COL1A1: variants seen among roughly 807,000 people sequenced by gnomAD.
COL1A1 encodes the protein collagen alpha-1(I) chain.
A neutral mutation model predicts 195.7 loss-of-function variants in COL1A1; 21 were observed. That is an observed-to-expected ratio of 0.11 (90% CI 0.08 to 0.15). COL1A1 has a LOEUF of 0.15. COL1A1 is among the 10% of genes least tolerant of loss of function. COL1A1 has a pLI of 1.00. For missense variants in COL1A1, 1,365 were observed against 2,051.0 expected, an observed-to-expected ratio of 0.67 and a Z score of 6.46; for synonymous variants, 749 against 747.3, an observed-to-expected ratio of 1.00 and a Z score of -0.04.
intron 9 of COL1A1, 117 bp from the exon 10 acceptor site, chr17:50,197,350 A>C: frequency 2.0e-6 from 2 of 1,012,404 alleles, no homozygotes; most frequent in Non-Finnish European, 3.1e-6. Flanking sequence ...TTGGGGGCCC[A>C]GAATCTTATC....
rs780248845 is a variant in COL1A1 at position 50,185,478 on chromosome 17, G to A, written c.*24C>T. On this transcript the variant is annotated 3_prime_UTR_variant, in exon 51 of 51. Coordinates refer to ENST00000225964, the MANE Select transcript of COL1A1 (RefSeq NM_000088.4). ...GGGGGAAAGTTGGTTGGGTGGGAGG[G>A]AGCCAGGTTGGGATGGAGGGAGTTT... 1 of 1,613,542 alleles carries A rather than the reference G, an allele frequency of 6.2e-7. No individual in the cohort carries two copies. Among genetic ancestry groups the A allele is most frequent in the African/African-American group, 1.3e-5 (1 of 74,908 alleles).
Position 50,190,392 on chromosome 17 carries a change from G to T in COL1A1, c.2398-12C>A. ...TCACCACGGTCTCCCTAGAAGAAAA[G>T]GAGTCAGATTGGAGAGATGCGCTGA... On this transcript the variant is annotated splice_polypyrimidine_tract_variant and intron_variant, in intron 34 of 50. Coordinates refer to ENST00000225964, the MANE Select transcript of COL1A1 (RefSeq NM_000088.4). This position sits in a 1 kb window ranked among gnomAD's most constrained non-coding sequence, Gnocchi z 4.7. 6.2e-7 allele frequency: 1 copy of T among 1,612,482 alleles called. No homozygotes were observed. The highest frequency in any genetic ancestry group is 8.5e-7 in the Non-Finnish European group (1 of 1,178,666).
At chr17:50,196,011 G>A in intron 15 of COL1A1, 35 bp from the exon 16 acceptor site, 3 of 1,599,104 alleles carry the variant, frequency 1.9e-6, no homozygotes, top group Non-Finnish European at 2.6e-6. Context: ...CGAGAAGGAA[G>A]AGATGGCAGC....
At position 50,190,173 on chromosome 17, in the gene COL1A1, G is replaced by A; in HGVS notation, c.2452-65C>T. 1 of 1,375,934 alleles carries A rather than the reference G, an allele frequency of 7.3e-7. No individual in the cohort carries two copies. Among genetic ancestry groups the A allele is most frequent in the East Asian group, 2.3e-5 (1 of 43,774 alleles). The allele number at this position is 1,375,934 out of a possible 1,614,324, so 85.2% of individuals were successfully genotyped here. On this transcript the variant is annotated intron_variant, in intron 35 of 50. Transcript: ENST00000225964. The surrounding 1 kb of genome is among the most constrained non-coding windows in gnomAD (Gnocchi z 4.7). ...CAGGAGTTTCCACTACCTGGGGGAG[G>A]AGCAGTAATGGAGGCAGGAAGATGC...
chr17:50,188,243 C>T lies in COL1A1; in HGVS notation c.3208-94G>A, dbSNP rs1249808559. 2 of 1,222,900 alleles carry T rather than the reference C, an allele frequency of 1.6e-6. No individual in the cohort carries two copies. Among genetic ancestry groups the T allele is most frequent in the South Asian group, 1.5e-5 (1 of 65,382 alleles). 75.8% of individuals were successfully genotyped at this position (1,222,900 alleles called of 1,614,324 possible). ...CTCCCCTCTGCTGGATCTCTCTCTC[C>T]TCAGCTGCTTCCCACTGTGGCCATC... On this transcript the variant is annotated intron_variant, in intron 43 of 50. Transcript: ENST00000225964. The surrounding 1 kb of genome is among the most constrained non-coding windows in gnomAD (Gnocchi z 5.6).
At chr17:50,197,885 GTTC>G in intron 8 of COL1A1, 61 bp downstream of exon 8, 6 of 1,592,182 alleles carry the variant, frequency 3.8e-6, no homozygotes, top group Non-Finnish European at 4.3e-6. Context: ...AGGCCTGGGA[GTTC>G]TTCTATAGGA....
intron 1 of COL1A1, 38 bp downstream of exon 1, chr17:50,201,373 A>G (rs1158688744): frequency 2.5e-6 from 4 of 1,592,822 alleles, no homozygotes; most frequent in Admixed American, 1.7e-5. Flanking sequence ...AAGGCGCGAT[A>G]TAGAGTATCC....
In COL1A1 at chr17:50,188,338, C is replaced by T. The variant is rs1043149497; in HGVS notation, c.3208-189G>A. 3.6e-5 allele frequency: 29 copies of T among 813,036 alleles called. No homozygotes were observed. The highest frequency in any genetic ancestry group is 1.9e-4 in the East Asian group (7 of 37,446). 50.4% of individuals were successfully genotyped at this position (813,036 alleles called of 1,614,324 possible). On this transcript the variant is annotated intron_variant, in intron 43 of 50. Transcript: ENST00000225964. This position sits in a 1 kb window ranked among gnomAD's most constrained non-coding sequence, Gnocchi z 5.6. The stretch of plus-strand genomic sequence containing the variant: ...AGCTGGGGCCAACTCATGGGAGAGG[C>T]GGTCCTGTCTGGGAGAGGGGACTTG...
chr17:50,192,834 T>C lies in COL1A1; in HGVS notation c.1838A>G (p.Asp613Gly), dbSNP rs557118570. 35 of 1,613,194 alleles carry C rather than the reference T, an allele frequency of 2.2e-5. No individual in the cohort carries two copies. In the South Asian group the frequency reaches 3.6e-4, roughly 17 times the overall value. ...PPGAVGPAGKDGEAGAQGPPG... is the reference protein window; with the variant it reads ...PPGAVGPAGKGGEAGAQGPPG... The stretch of plus-strand genomic sequence containing the variant: ...GGGTCCCTGAGCTCCAGCCTCTCCA[T>C]CTTTGCCAGCAGGACCCTGCAGGGA... The change falls in exon 27 of 51, where the codon GAT (aspartate) becomes GGT (glycine). Residue 613 changes from aspartate to glycine, a missense_variant. Around this residue, in one of 5 missense-constraint regions of COL1A1, gnomAD observed 671 missense variants for 1,099.9 expected, o/e 0.61. Coordinates refer to ENST00000225964, the MANE Select transcript of COL1A1 (RefSeq NM_000088.4).
Position 50,188,517 on chromosome 17 carries a change from C to T in COL1A1, c.3207+13G>A. On this transcript the variant is annotated intron_variant, in intron 43 of 50. Coordinates refer to ENST00000225964, the MANE Select transcript of COL1A1 (RefSeq NM_000088.4). This position sits in a 1 kb window ranked among gnomAD's most constrained non-coding sequence, Gnocchi z 5.6. Reference sequence around the variant, plus strand: ...CCTGACCAGGTACAGGGAACTGGAGCCCAGCTACTTACAGTCTCACCACGA... The same window carrying T: ...CCTGACCAGGTACAGGGAACTGGAGTCCAGCTACTTACAGTCTCACCACGA... The T allele has an allele frequency of 6.2e-7, 1 of 1,613,048 alleles. No homozygotes were observed. The highest frequency in any genetic ancestry group is 1.1e-5 in the South Asian group (1 of 91,062).
At chr17:50,193,919 C>T (rs781287389) in intron 25 of COL1A1, 24 bp downstream of exon 25, 1 of 1,606,846 alleles carries the variant, frequency 6.2e-7, no homozygotes, top group South Asian at 1.1e-5. Context: ...CCTGGCTCTT[C>T]ATGGATCCTC....
rs2144573913 is a variant in COL1A1, at chr17:50,194,906, G to C, written c.1354-78C>G. The C allele has an allele frequency of 6.7e-7, 1 of 1,500,522 alleles. No individual in the cohort carries two copies. Among genetic ancestry groups the C allele is most frequent in the South Asian group, 1.1e-5 (1 of 88,324 alleles). 93.0% of individuals were successfully genotyped at this position (1,500,522 alleles called of 1,614,324 possible). Reference sequence around the variant, plus strand: ...CAGCCTCAGAGCCGGCTGAGGCTGGGCCTCCAGTGTCAGGGGTTCCTGGGG... The same window carrying C: ...CAGCCTCAGAGCCGGCTGAGGCTGGCCCTCCAGTGTCAGGGGTTCCTGGGG... On this transcript the variant is annotated intron_variant, in intron 20 of 50. Transcript: ENST00000225964. The surrounding 1 kb of genome is among the most constrained non-coding windows in gnomAD (Gnocchi z 6.8).
rs571723940 is a variant in COL1A1 at position 50,184,996 on chromosome 17, G to A, written c.*506C>T. On this transcript the variant is annotated 3_prime_UTR_variant, in exon 51 of 51. Transcript: ENST00000225964. ...GGGCCTGGGGGTGCTGGGCGGGCAG[G>A]AGCGGGCTGAGGGTGGGGGCCACTT... 5.2e-5 allele frequency: 12 copies of A among 232,940 alleles called. No homozygotes were observed. The highest frequency in any genetic ancestry group is 2.4e-4 in the African/African-American group (11 of 45,250). 14.4% of individuals were successfully genotyped at this position (232,940 alleles called of 1,614,324 possible). A position where few individuals can be genotyped will look rare whatever the true frequency, so the allele number is the denominator to read the frequency against.
Position 50,191,388 on chromosome 17 carries a change from C to T in COL1A1, c.2230G>A (p.Asp744Asn), listed in dbSNP as rs1318001251. The T allele has an allele frequency of 9.9e-6, 16 of 1,613,886 alleles. No homozygotes were observed. The highest frequency in any genetic ancestry group is 1.4e-5 in the Non-Finnish European group (16 of 1,179,906). The change falls in exon 32 of 51, where the codon GAC becomes AAC. Residue 744 changes from aspartate (D) to asparagine (N), a missense_variant. Around this residue, in one of 5 missense-constraint regions of COL1A1, gnomAD observed 671 missense variants for 1,099.9 expected, o/e 0.61. Coordinates refer to ENST00000225964, the MANE Select transcript of COL1A1 (RefSeq NM_000088.4). ...GAAGLPGPKG[D>N]RGDAGPKGAD... The stretch of plus-strand genomic sequence containing the variant: ...AGGGGGAAGGTTGAACTTACTCTGT[C>T]ACCCTTAGGCCCTGGAAGACCAGCT...
In COL1A1 at chr17:50,185,764, T is replaced by C; in HGVS notation, c.4248+14A>G. Reference sequence around the variant, plus strand: ...GGAGAGGTGGGGCCCTGCCTGGGGATTCTGGGCACTCACCGTGCAGCCATC... The same window carrying C: ...GGAGAGGTGGGGCCCTGCCTGGGGACTCTGGGCACTCACCGTGCAGCCATC... On this transcript the variant is annotated intron_variant, in intron 50 of 50. Transcript: ENST00000225964. 1 of 1,613,018 alleles carries C rather than the reference T, an allele frequency of 6.2e-7. No homozygotes were observed. The highest frequency in any genetic ancestry group is 8.5e-7 in the Non-Finnish European group (1 of 1,179,898).
Position 50,194,136 on chromosome 17 carries a change from G to A in COL1A1, c.1662C>T (p.Gly554=), listed in dbSNP as rs757762337. The A allele has an allele frequency of 6.2e-7, 1 of 1,613,490 alleles. No homozygotes were observed. The highest frequency in any genetic ancestry group is 1.3e-5 in the African/African-American group (1 of 74,914). The part of the protein sequence containing the change: ...PGSPGPDGKT[G]PPGPAGQDGR... ...CAGGGGGAGTGATACTTACAGGGGGGCCAGTTTTGCCATCAGGACCAGGGC... is the reference window on the plus strand; with the variant it reads ...CAGGGGGAGTGATACTTACAGGGGGACCAGTTTTGCCATCAGGACCAGGGC... Residue 554 remains glycine (G), a synonymous_variant, in exon 24 of 51, where the codon GGC becomes GGT. Transcript: ENST00000225964. This position sits in a 1 kb window ranked among gnomAD's most constrained non-coding sequence, Gnocchi z 6.8.
At chr17:50,193,657 A>G (rs927969512) in intron 25 of COL1A1, 2 of 404,904 alleles carry the variant, frequency 4.9e-6, no homozygotes, top group South Asian at 2.1e-5. Flanking sequence ...AATCTTTTGT[A>G]TTTTTAGTAG....
chr17:50,195,589 G>A lies in COL1A1; in HGVS notation c.1133C>T (p.Pro378Leu). The change falls in exon 17 of 51, where the codon CCT (proline) becomes CTT (leucine). Residue 378 changes from proline to leucine, a missense_variant. Around this residue, in one of 5 missense-constraint regions of COL1A1, gnomAD observed 226 missense variants for 372.9 expected, o/e 0.61. Coordinates refer to ENST00000225964, the MANE Select transcript of COL1A1 (RefSeq NM_000088.4). The surrounding 1 kb of genome is among the most constrained non-coding windows in gnomAD (Gnocchi z 4.3). ...GVRGEPGPPG[P>L]AGAAGPAGNP... The stretch of plus-strand genomic sequence containing the variant: ...TACAGCAGGGCCAGCAGCACCAGCA[G>A]GGCCAGGGGGGCCAGGCTCACCACG... The A allele has an allele frequency of 1.2e-6, 2 of 1,614,038 alleles. No homozygotes were observed. Among genetic ancestry groups the A allele is most frequent in the Non-Finnish European group, 1.7e-6 (2 of 1,179,956 alleles).
Position 50,187,111 on chromosome 17 carries a change from G to A in COL1A1, c.3435C>T (p.Gly1145=). 1 of 1,610,044 alleles carries A rather than the reference G, an allele frequency of 6.2e-7. No homozygotes were observed. Among genetic ancestry groups the A allele is most frequent in the Non-Finnish European group, 8.5e-7 (1 of 1,178,286 alleles). Reference sequence around the variant, plus strand: ...CATCTTTGCCAGGAGCACCAGCAGAGCCAGGGGGACCCTGGAGTGGGGGAA... The same window carrying A: ...CATCTTTGCCAGGAGCACCAGCAGAACCAGGGGGACCCTGGAGTGGGGGAA... ...SGPAGPRGPP[G]SAGAPGKDGL... The change falls in exon 47 of 51, where the codon GGC becomes GGT. Residue 1145 remains glycine (G), a synonymous_variant. Transcript: ENST00000225964.
Sources: allele counts gnomAD v4.1 joint callset, GRCh38; gene constraint gnomAD v4.1.1; regional missense constraint gnomAD v4.1.1; non-coding constraint Gnocchi (gnomAD v3.1); transcripts MANE v1.5; gene names NCBI Gene and HGNC (gene_info 2026-07-23, HGNC 2026-07-21).